Variants in MGAT4C observed in about 807,000 individuals in gnomAD.
MGAT4C encodes MGAT4 family member C, also known as alpha-1,3-mannosyl-glycoprotein 4-beta-N-acetylglucosaminyltransferase C.
MGAT4C carries 19 observed loss-of-function variants against 40.1 expected under a neutral mutation model. The ratio of observed to expected loss-of-function variants is 0.47; its 90% CI spans 0.33 to 0.70. The LOEUF is 0.70. Among genes scored for constraint, MGAT4C ranks in the 30% least tolerant of loss-of-function variants. The probability of loss-of-function intolerance (pLI) is 0.02; values close to 1 mark genes in which losing one functional copy is unlikely to be tolerated. For synonymous variants in MGAT4C, 181 were observed against 187.1 expected, an observed-to-expected ratio of 0.97 and a Z score of 0.27; for missense variants, 491 against 563.2, an observed-to-expected ratio of 0.87 and a Z score of 1.30.
intron 3 of MGAT4C, among the ~76,000 whole-genome samples, chr12:86,433,342 G>A (rs893652372): frequency 6.7e-5 from 7 of 104,074 alleles, no homozygotes; most frequent in African/African-American, 2.1e-4. Context: ...ACACACACGT[G>A]TATGTGTGTG....
chr12:86,251,045 A>G (rs1274686544), intron 1 of MGAT4C, among the ~76,000 whole-genome samples: 1 of 151,958 alleles, frequency 6.6e-6, no homozygotes, highest in African/African-American at 2.4e-5. Context: ...AACATTTACT[A>G]TATGCAAGGC....
intron 2 of MGAT4C, among the ~76,000 whole-genome samples, chr12:86,009,242 A>C (rs1888212191): frequency 6.6e-6 from 1 of 152,214 alleles, no homozygotes; most frequent in South Asian, 2.1e-4. Context: ...ACTCTCAGAA[A>C]TAAGAATTAC....
At chr12:86,733,220 T>C (rs1950938114) in intron 1 of MGAT4C, among the ~76,000 whole-genome samples, 1 of 152,114 alleles carries the variant, frequency 6.6e-6, no homozygotes, top group Non-Finnish European at 1.5e-5. Context: ...ACATGAGATT[T>C]TGACAGAACC....
chr12:86,257,090 T>C (rs1952541257), upstream of MGAT4C, among the ~76,000 whole-genome samples: 1 of 152,180 alleles, frequency 6.6e-6, no homozygotes, highest in Non-Finnish European at 1.5e-5. Flanking sequence ...GAGTAATTTA[T>C]AAGCCACTGG....
At chr12:86,437,608 G>T (rs1033353998) in intron 2 of MGAT4C, among the ~76,000 whole-genome samples, 1 of 151,760 alleles carries the variant, frequency 6.6e-6, no homozygotes, top group African/African-American at 2.4e-5. Context: ...TGTAGATATT[G>T]CAGTTTTACA....
At chr12:86,709,797 C>T (rs1950527013) in intron 2 of MGAT4C, among the ~76,000 whole-genome samples, 1 of 152,058 alleles carries the variant, frequency 6.6e-6, no homozygotes, top group African/African-American at 2.4e-5. Flanking sequence ...TAATTATAAT[C>T]ACCCTGAAGA....
chr12:86,242,037 C>T (rs1951811181), intron 1 of MGAT4C, among the ~76,000 whole-genome samples: 1 of 152,124 alleles, frequency 6.6e-6, no homozygotes, highest in African/African-American at 2.4e-5. Context: ...TACTGGCAAC[C>T]TCCATCTTTT....
At chr12:86,189,415 T>A (rs954050103) in intron 1 of MGAT4C, among the ~76,000 whole-genome samples, 13 of 151,694 alleles carry the variant, frequency 8.6e-5, no homozygotes, top group Admixed American at 8.5e-4. Context: ...GTAAAAAAAA[T>A]CACAATAAGC....
chr12:86,751,278 AT>A (rs1951228168), intron 1 of MGAT4C, among the ~76,000 whole-genome samples: 1 of 152,034 alleles, frequency 6.6e-6, no homozygotes, highest in African/African-American at 2.4e-5. Context: ...CCAAAAAAAT[AT>A]AGAGCCATGT....
chr12:86,543,746 G>T (rs1432622519), intron 2 of MGAT4C, among the ~76,000 whole-genome samples: 1 of 152,058 alleles, frequency 6.6e-6, no homozygotes, highest in Non-Finnish European at 1.5e-5. Flanking sequence ...CTGTGCAAAA[G>T]ATAATCCAAA....
intron 2 of MGAT4C, among the ~76,000 whole-genome samples, chr12:86,467,951 A>G (rs1957705264): frequency 6.6e-6 from 1 of 152,104 alleles, no homozygotes; most frequent in Admixed American, 6.6e-5. Context: ...ATTAGCTGCT[A>G]TCTTTTTCCA....
chr12:85,995,357 T>C (rs1290261857), intron 2 of MGAT4C, among the ~76,000 whole-genome samples: 1 of 152,186 alleles, frequency 6.6e-6, no homozygotes, highest in East Asian at 1.9e-4. Flanking sequence ...AGACTCAGAA[T>C]TCTGCAGACG....
chr12:86,386,448 A>T (rs1428901972), intron 3 of MGAT4C, among the ~76,000 whole-genome samples: 1 of 152,198 alleles, frequency 6.6e-6, no homozygotes, highest in Non-Finnish European at 1.5e-5. Context: ...GTGCTCACTG[A>T]TGAATAAGCT....
chr12:86,232,797 G>A (rs1951381827), intron 1 of MGAT4C, among the ~76,000 whole-genome samples: 1 of 152,122 alleles, frequency 6.6e-6, no homozygotes, highest in African/African-American at 2.4e-5. Flanking sequence ...TTGGCAGCTG[G>A]ATAAGAGGAG....
At chr12:86,730,029 A>G (rs536356942) in intron 1 of MGAT4C, among the ~76,000 whole-genome samples, 1 of 152,208 alleles carries the variant, frequency 6.6e-6, no homozygotes, top group East Asian at 1.9e-4. Context: ...TGTGCTGTGA[A>G]TACCCTTTGA....
intron 3 of MGAT4C, among the ~76,000 whole-genome samples, chr12:86,398,543 T>C (rs1206259289): frequency 1.3e-5 from 2 of 151,966 alleles, no homozygotes; most frequent in African/African-American, 4.8e-5. Flanking sequence ...ATAAATATGG[T>C]ATATATATTC....
intron 1 of MGAT4C, among the ~76,000 whole-genome samples, chr12:86,205,949 C>T (rs1389729989): frequency 5.7e-5 from 4 of 69,946 alleles, no homozygotes; most frequent in Non-Finnish European, 1.2e-4. Flanking sequence ...CATGCTTCCA[C>T]CAAAAAAAAA....
At chr12:86,184,738 T>TA (rs34098097) in intron 1 of MGAT4C, among the ~76,000 whole-genome samples, 8,544 of 86,784 alleles carry the variant, frequency 0.098, 568 homozygotes, top group Non-Finnish European at 0.13. Context: ...TTTCTCCTGT[T>TA]AAAAAAAAAA....
intron 1 of MGAT4C, among the ~76,000 whole-genome samples, chr12:86,242,248 A>G (rs1290396044): frequency 6.6e-6 from 1 of 152,156 alleles, no homozygotes; most frequent in African/African-American, 2.4e-5. Context: ...CTAACTCCAG[A>G]GAACGCGTTA....
Sources: gnomAD v4.1 joint callset for allele counts (sites outside exome capture counted in the v4.1 genomes callset) on GRCh38, gnomAD v4.1.1 for gene constraint, MANE v1.5 for transcripts, NCBI Gene and HGNC (gene_info 2026-07-23, HGNC 2026-07-21) for gene names.